The following CNTLN variants were observed in gnomAD, a reference collection of about 807,000 sequenced individuals.
The protein encoded by CNTLN is centlein, centrosomal protein.
A neutral mutation model predicts 180.0 loss-of-function variants in CNTLN; 212 were observed. The ratio of observed to expected loss-of-function variants is 1.18; its 90% CI spans 1.05 to 1.32. CNTLN has a LOEUF of 1.32. Ranked by LOEUF, CNTLN falls within the 40% of genes most tolerant of loss-of-function variation. CNTLN has a pLI of 0.00. For missense variants in CNTLN, 2,095 were observed against 1,610.9 expected (o/e 1.30, Z -5.14); for synonymous variants, 722 against 563.1 (o/e 1.28, Z -3.99).
At chr9:17,229,765 C>G (rs1391955410) in intron 3 of CNTLN, among the ~76,000 whole-genome samples, 1 of 152,076 alleles carries the variant, frequency 6.6e-6, no homozygotes, top group African/African-American at 2.4e-5. Flanking sequence ...CCTAGCCAAA[C>G]TGACATATAA....
In CNTLN at chr9:17,260,090, C is replaced by T. The variant is rs546944056; in HGVS notation, c.850-13643C>T. On this transcript the variant is annotated intron_variant, in intron 5 of 25. Coordinates refer to ENST00000380647, the MANE Select transcript of CNTLN (RefSeq NM_017738.4). ...GTTAGGGTGTCAATTTTGGATCTTT[C>T]CTGCTTTCTCTTGTGGGCATTTAGT... is the stretch of plus-strand genomic sequence containing the variant. Among the ~76,000 whole-genome samples, 9 of 145,612 alleles carry T rather than the reference C, an allele frequency of 6.2e-5. No individual in the cohort carries two copies. The South Asian group carries it at 1.1e-3, about 18-fold the overall frequency.
chr9:17,198,145 A>C (rs754200594), intron 2 of CNTLN, among the ~76,000 whole-genome samples: 1 of 152,142 alleles, frequency 6.6e-6, no homozygotes, highest in Non-Finnish European at 1.5e-5. Context: ...GCTTTGTAGT[A>C]TAATTTGAAA....
chr9:17,403,437 G>A (rs767820526), intron 15 of CNTLN, among the ~76,000 whole-genome samples: 39 of 151,382 alleles, frequency 2.6e-4, no homozygotes, highest in Non-Finnish European at 4.4e-4. Flanking sequence ...TCACAAAAAA[G>A]ACCAATTGCA....
chr9:17,336,229 A>G (rs928203853), intron 10 of CNTLN, among the ~76,000 whole-genome samples: 1 of 152,210 alleles, frequency 6.6e-6, no homozygotes, highest in Non-Finnish European at 1.5e-5. Context: ...AATCCAAACT[A>G]CAGTTAACCT....
rs747814189 is a variant in CNTLN, at chr9:17,135,131, C to T, written c.66C>T (p.Ser22=). ...CAGCGCGACAGCTGGGCCCCAGGTC[C>T]CCACGTGTTGGGCGGGGAGCTGAAG... ...SPPARQLGPR[S]PRVGRGAEVH... The change falls in exon 1 of 26, where the codon TCC becomes TCT. Residue 22 remains serine, a synonymous_variant. Transcript: ENST00000380647. The T allele has an allele frequency of 1.2e-6, 2 of 1,607,620 alleles. No individual in the cohort carries two copies. Among genetic ancestry groups the T allele is most frequent in the African/African-American group, 2.7e-5 (2 of 75,022 alleles).
chr9:17,166,789 G>C (rs1820098774), intron 2 of CNTLN: 1 of 339,394 alleles, frequency 2.9e-6, no homozygotes, highest in South Asian at 2.5e-5. Context: ...GTAACACATG[G>C]TCTCACATCT....
chr9:17,284,101 A>C (rs1205379338), intron 6 of CNTLN, among the ~76,000 whole-genome samples: 1 of 152,056 alleles, frequency 6.6e-6, no homozygotes, highest in Non-Finnish European at 1.5e-5. Flanking sequence ...GGCTCACTGC[A>C]ACCTCCACCT....
At chr9:17,469,927 G>A (rs942886497) in intron 23 of CNTLN, among the ~76,000 whole-genome samples, 1 of 151,842 alleles carries the variant, frequency 6.6e-6, no homozygotes, top group African/African-American at 2.4e-5. Flanking sequence ...TGGAACATAA[G>A]CGAAGTGAGA....
intron 7 of CNTLN, 72 bp downstream of exon 7, chr9:17,298,424 T>A (rs745883158): frequency 5.3e-6 from 7 of 1,320,834 alleles, no homozygotes; most frequent in Non-Finnish European, 6.8e-6. Context: ...GAATTCAGAT[T>A]TTTTCAAATT....
In CNTLN at chr9:17,278,787, T is replaced by C. The variant is rs139603538; in HGVS notation, c.983+4921T>C. Among the ~76,000 whole-genome samples the C allele has an allele frequency of 3.6e-3, 543 of 152,218 alleles. 1 individual carries two copies. Among genetic ancestry groups the C allele is most frequent in the African/African-American group, 0.013 (526 of 41,552 alleles). On this transcript the variant is annotated intron_variant, in intron 6 of 25. Coordinates refer to ENST00000380647, the MANE Select transcript of CNTLN (RefSeq NM_017738.4). ...AAAGAAAAAAACGTTAGACTAAAAA[T>C]GCATCCCTAGAGAATTAACAGCCAT...
chr9:17,264,691 C>A (rs1289968318), intron 5 of CNTLN, among the ~76,000 whole-genome samples: 2 of 148,160 alleles, frequency 1.3e-5, no homozygotes, highest in African/African-American at 2.5e-5. Flanking sequence ...GAATGTTCTT[C>A]CATTTGTATC....
At chr9:17,501,844 G>A (rs1185488278) in intron 25 of CNTLN, among the ~76,000 whole-genome samples, 1 of 152,156 alleles carries the variant, frequency 6.6e-6, no homozygotes, top group Admixed American at 6.5e-5. Flanking sequence ...ATTTCAGATT[G>A]TCTTTTACTT....
At chr9:17,449,453 AC>A (rs1830661069) in intron 18 of CNTLN, among the ~76,000 whole-genome samples, 1 of 152,098 alleles carries the variant, frequency 6.6e-6, no homozygotes, top group Non-Finnish European at 1.5e-5. Flanking sequence ...TATGTAACTA[AC>A]CTGCACAATG....
intron 12 of CNTLN, among the ~76,000 whole-genome samples, chr9:17,342,646 A>G (rs1821576057): frequency 6.6e-6 from 1 of 152,226 alleles, no homozygotes; most frequent in Admixed American, 6.5e-5. Flanking sequence ...TAGCTCTAAC[A>G]GAAACTGGAT....
chr9:17,254,724 G>A (rs961316555), intron 5 of CNTLN, among the ~76,000 whole-genome samples: 40 of 123,928 alleles, frequency 3.2e-4, no homozygotes, highest in African/African-American at 1.4e-3. Context: ...GAAGAAATAT[G>A]AGTTCTCCAA....
At chr9:17,485,904 C>G (rs1249641232) in intron 24 of CNTLN, among the ~76,000 whole-genome samples, 1 of 152,114 alleles carries the variant, frequency 6.6e-6, no homozygotes, top group Non-Finnish European at 1.5e-5. Context: ...AGAAAAGGAT[C>G]TCTCTTGATA....
rs1216115154 is a variant in CNTLN, at chr9:17,196,958, A to G, written c.450-29245A>G. ...AATGTTAGATCTTATTCAGTCTATC[A>G]AAGTGTATAGTTGTGCCCATTAACC... On this transcript the variant is annotated intron_variant, in intron 2 of 25. Transcript: ENST00000380647. Among the ~76,000 whole-genome samples, 4 of 152,266 alleles carry G rather than the reference A, an allele frequency of 2.6e-5. No individual in the cohort carries two copies. The East Asian group carries it at 5.8e-4, about 22-fold the overall frequency.
intron 3 of CNTLN, among the ~76,000 whole-genome samples, chr9:17,228,163 G>A (rs1824593139): frequency 1.3e-5 from 2 of 152,052 alleles, no homozygotes; most frequent in Non-Finnish European, 2.9e-5. Flanking sequence ...TTTAGTGAAT[G>A]CTCTTTGGTT....
intron 2 of CNTLN, among the ~76,000 whole-genome samples, chr9:17,209,403 G>A (rs1459763280): frequency 6.6e-6 from 1 of 152,160 alleles, no homozygotes; most frequent in Non-Finnish European, 1.5e-5. Flanking sequence ...GGACCAGTTG[G>A]ATGAAATCAT....
Sources: allele counts gnomAD v4.1 joint callset (sites outside exome capture counted in the v4.1 genomes callset), GRCh38; gene constraint gnomAD v4.1.1; transcripts MANE v1.5; gene names NCBI Gene and HGNC (gene_info 2026-07-23, HGNC 2026-07-21).